Variants in RELL1 observed in about 807,000 individuals in gnomAD.
RELL1 encodes RELT-like protein 1.
RELL1 carries 10 observed loss-of-function variants against 23.0 expected under a neutral mutation model. The ratio of observed to expected loss-of-function variants is 0.43; its 90% CI spans 0.27 to 0.74. The LOEUF (loss-of-function observed/expected upper bound fraction) is 0.74, where lower values mean the gene tolerates loss of function less well. Ranked by LOEUF, RELL1 falls within the 30% of genes least tolerant of loss-of-function variation. The probability of loss-of-function intolerance (pLI) is 0.19; values close to 1 mark genes in which losing one functional copy is unlikely to be tolerated. For synonymous variants in RELL1, 146 were observed against 146.8 expected (o/e 0.99, Z 0.04); for missense variants, 315 against 364.4 (o/e 0.86, Z 1.10).
intron 1 of RELL1, among the ~76,000 whole-genome samples, chr4:37,660,163 T>C (rs1721275101): frequency 6.6e-6 from 1 of 152,136 alleles, no homozygotes; most frequent in Non-Finnish European, 1.5e-5. Flanking sequence ...ATTACCAAGA[T>C]GGCTAAATGT....
intron 6 of RELL1, among the ~76,000 whole-genome samples, chr4:37,619,057 T>G (rs1232454565): frequency 1.3e-5 from 2 of 151,998 alleles, no homozygotes; most frequent in Non-Finnish European, 2.9e-5. Context: ...TTTTGTATTT[T>G]TAATAGAGAT....
chr4:37,597,779 C>G (rs1401279891), intron 6 of RELL1, among the ~76,000 whole-genome samples: 1 of 151,980 alleles, frequency 6.6e-6, no homozygotes, highest in Non-Finnish European at 1.5e-5. Context: ...GGCTGGGTGC[C>G]GTGGCTCATG....
chr4:37,607,939 T>C (rs1719273588), downstream of RELL1, among the ~76,000 whole-genome samples: 1 of 152,058 alleles, frequency 6.6e-6, no homozygotes, highest in Non-Finnish European at 1.5e-5. Flanking sequence ...CTGTGTCACA[T>C]ATGGGTAATT....
chr4:37,652,536 A>C (rs1720984918), intron 1 of RELL1, among the ~76,000 whole-genome samples: 1 of 152,238 alleles, frequency 6.6e-6, no homozygotes. Flanking sequence ...AGTAGGCAGC[A>C]TGCTGAGATC....
At chr4:37,608,434 AT>A (rs1719287233), downstream of RELL1, among the ~76,000 whole-genome samples, 1 of 152,184 alleles carries the variant, frequency 6.6e-6, no homozygotes, top group Admixed American at 6.5e-5. Context: ...CAACAGCCTT[AT>A]TGCTGATACG....
intron 3 of RELL1, among the ~76,000 whole-genome samples, chr4:37,642,468 A>G (rs1269102236): frequency 6.6e-6 from 1 of 152,222 alleles, no homozygotes; most frequent in Non-Finnish European, 1.5e-5. Context: ...ATTAAAAGCT[A>G]GCACTGCCGT....
intron 4 of RELL1, 49 bp from the exon 5 acceptor site, chr4:37,635,172 A>C: frequency 2.7e-5 from 39 of 1,423,052 alleles, no homozygotes; most frequent in Non-Finnish European, 3.6e-5. Context: ...AGGAAATATC[A>C]GCGAAGGTGA....
intron 6 of RELL1, among the ~76,000 whole-genome samples, chr4:37,604,800 CACACACACAG>C (rs1560323594): frequency 0.023 from 2,765 of 121,916 alleles, 115 homozygotes; most frequent in African/African-American, 0.075. Context: ...CACACACAGA[CACACACACAG>C]ACACACACAC....
chr4:37,673,218 T>G (rs56282767), intron 1 of RELL1, among the ~76,000 whole-genome samples: 1 of 126,176 alleles, frequency 7.9e-6, no homozygotes, highest in Non-Finnish European at 1.6e-5. Context: ...GAGACAGGGT[T>G]TCACTCTGTA....
chr4:37,659,422 T>A (rs1721239353), intron 1 of RELL1, among the ~76,000 whole-genome samples: 1 of 152,222 alleles, frequency 6.6e-6, no homozygotes, highest in South Asian at 2.1e-4. Context: ...ATACTTGTAT[T>A]TCCAACTGAC....
At chr4:37,615,796 G>T (rs1257689495) in intron 6 of RELL1, among the ~76,000 whole-genome samples, 11 of 152,272 alleles carry the variant, frequency 7.2e-5, no homozygotes, top group Admixed American at 2.0e-4. Context: ...GAACCGCCCA[G>T]AAGATTTATC....
rs1719380451 is a variant in RELL1, at chr4:37,611,629, G to A, written c.*1717C>T. ...CATGGAGGCGGGTCTTGGAGACCTT[G>A]TAACTGGCCTCCCCCACAGCTCACC... On this transcript the variant is annotated 3_prime_UTR_variant, in exon 7 of 7. Transcript: ENST00000454158. Among the ~76,000 whole-genome samples the A allele has an allele frequency of 6.6e-6, 1 of 152,024 alleles. No homozygotes were observed.
chr4:37,604,458 A>C (rs142665611), intron 6 of RELL1, among the ~76,000 whole-genome samples: 220 of 152,188 alleles, frequency 1.4e-3, no homozygotes, highest in African/African-American at 4.7e-3. Context: ...CAACCTTTCC[A>C]CTTCCTCAGC....
chr4:37,618,867 T>TTTTTC (rs148419339), intron 6 of RELL1, among the ~76,000 whole-genome samples: 27,977 of 150,686 alleles, frequency 0.19, 3,119 homozygotes, highest in Non-Finnish European at 0.25. Context: ...TGGTTGGTCG[T>TTTTTC]TTTTCTTTTC....
intron 1 of RELL1, among the ~76,000 whole-genome samples, chr4:37,685,198 T>C (rs1722359408): frequency 6.6e-6 from 1 of 152,202 alleles, no homozygotes; most frequent in Non-Finnish European, 1.5e-5. Context: ...TGGATGTTTA[T>C]GGAGGAGACA....
At chr4:37,648,590 T>C (rs190838734) in intron 2 of RELL1, among the ~76,000 whole-genome samples, 118 of 152,300 alleles carry the variant, frequency 7.7e-4, no homozygotes, top group African/African-American at 2.8e-3. Flanking sequence ...GGATTTCGTC[T>C]CCCCGGTTTT....
At chr4:37,608,493 T>G (rs1410087548), downstream of RELL1, among the ~76,000 whole-genome samples, 1 of 152,160 alleles carries the variant, frequency 6.6e-6, no homozygotes, top group Non-Finnish European at 1.5e-5. Flanking sequence ...AGCCACAACA[T>G]TCCCTTAAGC....
At position 37,630,118 on chromosome 4, in the gene RELL1, T is replaced by C. The variant is rs1440845350; in HGVS notation, c.*3+1267A>G. Among the ~76,000 whole-genome samples the C allele has an allele frequency of 4.0e-5, 6 of 151,834 alleles. No homozygotes were observed. The South Asian group carries it at 1.0e-3, about 26-fold the overall frequency. ...GTGTCCCTGCCTGACCTCTCCCCCA[T>C]TGCCCGCCCTCCCTTCCCTATGTAA... On this transcript the variant is annotated intron_variant, in intron 6 of 6. Transcript: ENST00000454158.
At chr4:37,637,674 G>A (rs1339842006) in intron 4 of RELL1, among the ~76,000 whole-genome samples, 2 of 152,180 alleles carry the variant, frequency 1.3e-5, no homozygotes, top group Non-Finnish European at 2.9e-5. Flanking sequence ...GTTCCTCCAT[G>A]GCAAGGGTCT....
Sources: allele counts gnomAD v4.1 joint callset (sites outside exome capture counted in the v4.1 genomes callset), GRCh38; gene constraint gnomAD v4.1.1; transcripts MANE v1.5; gene names NCBI Gene and HGNC (gene_info 2026-07-23, HGNC 2026-07-21).